MECOM: variants seen among roughly 807,000 people sequenced by gnomAD.
The protein encoded by MECOM is MDS1 and EVI1 complex locus.
In MECOM, 13 loss-of-function variants were observed where a neutral mutation model predicts 116.3. The ratio of observed to expected loss-of-function variants is 0.11; its 90% CI spans 0.07 to 0.18. The LOEUF is 0.18. Among genes scored for constraint, MECOM ranks in the 10% least tolerant of loss-of-function variants. MECOM has a pLI of 1.00. For missense variants in MECOM, 1,299 were observed against 1,509.0 expected, an observed-to-expected ratio of 0.86 and a Z score of 2.31; for synonymous variants, 528 against 535.2, an observed-to-expected ratio of 0.99 and a Z score of 0.19.
intron 1 of MECOM, among the ~76,000 whole-genome samples, chr3:169,587,483 A>C (rs1765909527): frequency 6.7e-6 from 1 of 149,756 alleles, no homozygotes; most frequent in African/African-American, 2.5e-5. Context: ...ATAAACAATC[A>C]CCTGTTGAAT....
chr3:169,171,819 G>A (rs1318898487), intron 2 of MECOM, among the ~76,000 whole-genome samples: 1 of 152,000 alleles, frequency 6.6e-6, no homozygotes, highest in Non-Finnish European at 1.5e-5. Context: ...GAAGGGGCAG[G>A]GCAGGGGAAA....
intron 2 of MECOM, among the ~76,000 whole-genome samples, chr3:169,212,692 A>C (rs1476951928): frequency 7.5e-6 from 1 of 133,552 alleles, no homozygotes; most frequent in Non-Finnish European, 1.6e-5. Flanking sequence ...ATATGCAACA[A>C]AAGTACACTG....
chr3:169,241,213 A>G (rs897079299), intron 2 of MECOM, among the ~76,000 whole-genome samples: 1 of 152,126 alleles, frequency 6.6e-6, no homozygotes, highest in African/African-American at 2.4e-5. Flanking sequence ...TAAGCGTTCA[A>G]TCTTCTCACA....
chr3:169,240,119 T>C (rs1325963193), intron 2 of MECOM, among the ~76,000 whole-genome samples: 1 of 152,216 alleles, frequency 6.6e-6, no homozygotes, highest in African/African-American at 2.4e-5. Flanking sequence ...AAACTGGTTT[T>C]ATGATTATAG....
chr3:169,594,636 G>C (rs773612683), intron 1 of MECOM, among the ~76,000 whole-genome samples: 53 of 151,518 alleles, frequency 3.5e-4, no homozygotes, highest in Admixed American at 6.6e-4. Flanking sequence ...GGGGAAATGG[G>C]AAGAGGTGAA....
intron 1 of MECOM, among the ~76,000 whole-genome samples, chr3:169,562,781 G>T (rs553937174): frequency 6.6e-6 from 1 of 152,250 alleles, no homozygotes; most frequent in African/African-American, 2.4e-5. Context: ...CTGGTAGGGG[G>T]CTGGGTGCAG....
intron 1 of MECOM, among the ~76,000 whole-genome samples, chr3:169,632,697 G>T (rs1772240006): frequency 6.6e-6 from 1 of 152,152 alleles, no homozygotes; most frequent in African/African-American, 2.4e-5. Flanking sequence ...TGCTTTATCT[G>T]CCAATATCAC....
intron 1 of MECOM, among the ~76,000 whole-genome samples, chr3:169,630,977 C>G (rs1772011067): frequency 6.6e-6 from 1 of 152,196 alleles, no homozygotes; most frequent in East Asian, 1.9e-4. Context: ...AGCCTCCATC[C>G]CCATGTAGAG....
At chr3:169,472,608 GAAAGGAAAGAAAAGAAAAGAAAAGA>G (rs1749644868) in intron 1 of MECOM, among the ~76,000 whole-genome samples, 4 of 60,260 alleles carry the variant, frequency 6.6e-5, no homozygotes, top group Admixed American at 4.2e-4. Flanking sequence ...GAAAGGAAAG[GAAAGGAAAGAAAAGAAAAGAAAAGA>G]AAAGGAAAGG....
chr3:169,390,977 C>T (rs1734108425), intron 1 of MECOM, among the ~76,000 whole-genome samples: 2 of 152,134 alleles, frequency 1.3e-5, no homozygotes, highest in African/African-American at 2.4e-5. Context: ...GGATAAACAG[C>T]GTAAATGTAA....
chr3:169,480,634 T>C (rs1751145883), intron 1 of MECOM, among the ~76,000 whole-genome samples: 1 of 152,172 alleles, frequency 6.6e-6, no homozygotes, highest in Non-Finnish European at 1.5e-5. Context: ...TTCTCTGCTG[T>C]GTTTGTCCAA....
chr3:169,334,332 T>G lies in MECOM; in HGVS notation c.375+46855A>C, dbSNP rs184844653. ...GTTGATGTGCTAATTGGGTTCAAAT[T>G]AACACATATGCAAAATACGGTGAAG... On this transcript the variant is annotated intron_variant, in intron 2 of 16. Transcript: ENST00000651503. Among the ~76,000 whole-genome samples the G allele has an allele frequency of 2.1e-3, 324 of 152,278 alleles. 3 individuals carry two copies. Among genetic ancestry groups the G allele is most frequent in the African/African-American group, 7.4e-3 (307 of 41,566 alleles).
chr3:169,167,217 G>C lies in MECOM; in HGVS notation c.376-23385C>G, dbSNP rs75392858. On this transcript the variant is annotated intron_variant, in intron 2 of 16. Transcript: ENST00000651503. ...GTTATTTATTGTTTGTTTCATAGTGGCTTTCACTTTTTTCTGCATCTATTT... is the reference window on the plus strand; with the variant it reads ...GTTATTTATTGTTTGTTTCATAGTGCCTTTCACTTTTTTCTGCATCTATTT... Among the ~76,000 whole-genome samples, 949 of 152,246 alleles carry C rather than the reference G, an allele frequency of 6.2e-3. 5 individuals carry two copies. Among genetic ancestry groups the C allele is most frequent in the Admixed American group, 0.011 (161 of 15,272 alleles).
At chr3:169,581,909 T>C (rs1276393030) in intron 1 of MECOM, among the ~76,000 whole-genome samples, 3 of 152,210 alleles carry the variant, frequency 2.0e-5, no homozygotes, top group African/African-American at 7.2e-5. Flanking sequence ...TGGGCTGCAA[T>C]TGCAAGTCAT....
chr3:169,646,766 C>T (rs922937266), intron 1 of MECOM, among the ~76,000 whole-genome samples: 1 of 152,170 alleles, frequency 6.6e-6, no homozygotes, highest in Non-Finnish European at 1.5e-5. Context: ...GAATCTAGCA[C>T]CATCTATTCA....
intron 2 of MECOM, among the ~76,000 whole-genome samples, chr3:169,181,622 G>A (rs775386466): frequency 2.0e-5 from 3 of 152,172 alleles, no homozygotes; most frequent in African/African-American, 4.8e-5. Context: ...TTTCCCAAGG[G>A]TGTAACTTTG....
rs146176038 is a variant in MECOM at position 169,402,991 on chromosome 3, T to G, written c.38-21467A>C. Among the ~76,000 whole-genome samples, 82 of 152,354 alleles carry G rather than the reference T, an allele frequency of 5.4e-4. No homozygotes were observed. In the East Asian group the frequency reaches 0.016, roughly 29 times the overall value. On this transcript the variant is annotated intron_variant, in intron 1 of 16. Transcript: ENST00000651503. ...AGCAAAATTCAACTTACATGTTATT[T>G]ATTCCTACTGTTGAGAACTTTGAGA... is the stretch of plus-strand genomic sequence containing the variant.
chr3:169,474,556 A>AGAT (rs1453605465), intron 1 of MECOM, among the ~76,000 whole-genome samples: 2 of 152,186 alleles, frequency 1.3e-5, no homozygotes, highest in Non-Finnish European at 2.9e-5. Context: ...ATTTATGATT[A>AGAT]GATATAAAGT....
intron 11 of MECOM, 72 bp from the exon 12 acceptor site, chr3:169,101,034 C>A: frequency 2.0e-6 from 2 of 1,015,154 alleles, no homozygotes; most frequent in Non-Finnish European, 1.5e-6. Flanking sequence ...ACACAGCAGC[C>A]AGATGCTTAT....
Sources: allele counts gnomAD v4.1 joint callset (sites outside exome capture counted in the v4.1 genomes callset), GRCh38; gene constraint gnomAD v4.1.1; transcripts MANE v1.5; gene names NCBI Gene and HGNC (gene_info 2026-07-23, HGNC 2026-07-21).